ARHGAP45: variants seen among roughly 807,000 people sequenced by gnomAD.
ARHGAP45 encodes the protein rho GTPase-activating protein 45.
ARHGAP45 carries 56 observed loss-of-function variants against 116.1 expected under a neutral mutation model. That is an observed-to-expected ratio of 0.48 (90% CI 0.39 to 0.60). The LOEUF (loss-of-function observed/expected upper bound fraction) is 0.60. Ranked by LOEUF, ARHGAP45 falls within the 20% of genes least tolerant of loss-of-function variation. ARHGAP45 has a pLI of 0.00. For missense variants in ARHGAP45, 1,622 were observed against 1,601.0 expected (o/e 1.01, Z -0.22); for synonymous variants, 866 against 701.7 (o/e 1.23, Z -3.70).
intron 10 of ARHGAP45, chr19:1,076,923 C>T (rs2043263683): frequency 1.2e-5 from 7 of 577,412 alleles, no homozygotes; most frequent in Non-Finnish European, 1.5e-5. Context: ...GAGATGGGGT[C>T]TCACTATGTT....
At chr19:1,081,129 C>T in intron 17 of ARHGAP45, 65 bp downstream of exon 17, 9 of 1,492,594 alleles carry the variant, frequency 6.0e-6, no homozygotes, top group Non-Finnish European at 8.1e-6. Context: ...CCAGCACCGC[C>T]GGCCTGTGTG....
chr19:1,082,008 C>A lies in ARHGAP45; in HGVS notation c.2517+47C>A, dbSNP rs751958508. 3 of 1,589,470 alleles carry A rather than the reference C, an allele frequency of 1.9e-6. No homozygotes were observed. In the South Asian group the frequency reaches 3.3e-5, roughly 18 times the overall value. On this transcript the variant is annotated intron_variant, in intron 19 of 22. Transcript: ENST00000313093. ...CAGGCAGAGCCTGGAAGGGGCGTAG[C>A]CAGGCAGGAGGAGGCGGGGTGGGGG...
chr19:1,073,018 G>C, intron 2 of ARHGAP45, 131 bp from the exon 3 acceptor site: 1 of 1,102,296 alleles, frequency 9.1e-7, no homozygotes, highest in East Asian at 2.4e-5. Context: ...ATGAGCCCCA[G>C]GCATCTGCCG....
rs771649267 is a variant in ARHGAP45 at position 1,074,779 on chromosome 19, C to G, written c.1105-20C>G. 3.7e-6 allele frequency: 6 copies of G among 1,600,206 alleles called. No homozygotes were observed. The Admixed American group carries it at 1.0e-4, about 27-fold the overall frequency. On this transcript the variant is annotated intron_variant, in intron 9 of 22. Transcript: ENST00000313093. ...CGGGGGTGTCACCGGGGTACCCACT[C>G]ACGGCCCGTCTCGCCCCAGCCCCTG...
chr19:1,082,942 C>T lies in ARHGAP45; in HGVS notation c.2620C>T (p.Arg874Trp). 1 of 1,579,452 alleles carries T rather than the reference C, an allele frequency of 6.3e-7. No homozygotes were observed. The highest frequency in any genetic ancestry group is 8.6e-7 in the Non-Finnish European group (1 of 1,166,112). Reference sequence around the variant, plus strand: ...CGAGGCCAAGGCGGCGTCCCGGGGCCGGCAGGACGGCTCGGAGAGCGAGGC... The same window carrying T: ...CGAGGCCAAGGCGGCGTCCCGGGGCTGGCAGGACGGCTCGGAGAGCGAGGC... Reference protein sequence around the residue: ...EAEAKAASRGRQDGSESEAVA... With the variant: ...EAEAKAASRGWQDGSESEAVA... The change falls in exon 20 of 23, where the codon CGG becomes TGG. Residue 874 changes from arginine (R) to tryptophan (W), a missense_variant. Arg to Trp is a moderately radical substitution (Grantham distance 101). Coordinates refer to ENST00000313093, the MANE Select transcript of ARHGAP45 (RefSeq NM_012292.5).
In ARHGAP45 at chr19:1,073,175, G is replaced by T. The variant is rs751127435; in HGVS notation, c.448G>T (p.Ala150Ser). 1.4e-4 allele frequency: 228 copies of T among 1,610,364 alleles called. No homozygotes were observed. Among genetic ancestry groups the T allele is most frequent in the Non-Finnish European group, 1.9e-4 (225 of 1,179,978 alleles). ...DDLLEARRPR[A>S]HECLGEALRV... is the part of the protein sequence containing the mutation. ...CCTCCTTGAGGCCCGCCGCCCGCGG[G>T]CCCACGAGTGCCTGGGTGAGGCTCT... Residue 150 changes from alanine (A) to serine (S), a missense_variant, in exon 3 of 23, where the codon GCC (alanine) becomes TCC (serine). Around this residue, in one of 3 missense-constraint regions of ARHGAP45, gnomAD observed 279 missense variants for 311.9 expected, o/e 0.89. Coordinates refer to ENST00000313093, the MANE Select transcript of ARHGAP45 (RefSeq NM_012292.5).
Position 1,071,167 on chromosome 19 carries a change from G to A in ARHGAP45, c.422-1982G>A. 7.5e-7 allele frequency: 1 copy of A among 1,326,244 alleles called. No homozygotes were observed. The highest frequency in any genetic ancestry group is 9.6e-7 in the Non-Finnish European group (1 of 1,039,034). The allele number at this position is 1,326,244 out of a possible 1,614,324, so 82.2% of individuals were successfully genotyped here. On this transcript the variant is annotated intron_variant, in intron 2 of 22. Transcript: ENST00000313093. The surrounding 1 kb of genome is among the most constrained non-coding windows in gnomAD (Gnocchi z 4.6). ...CTGGGGCGAACGGGACCCCAGGGCG[G>A]GGTTTCCCTCGCGGGGGCGGGGCCT...
At chr19:1,079,484 A>C (rs1451463805) in intron 11 of ARHGAP45, among the ~76,000 whole-genome samples, 1 of 148,368 alleles carries the variant, frequency 6.7e-6, no homozygotes, top group Non-Finnish European at 1.5e-5. Context: ...AGCCTGGCCT[A>C]CAGAGCAAGA....
upstream of ARHGAP45, among the ~76,000 whole-genome samples, chr19:1,066,798 G>A (rs899035603): frequency 8.0e-5 from 12 of 150,536 alleles, no homozygotes; most frequent in African/African-American, 2.9e-4. Flanking sequence ...CTGGGGCCCG[G>A]CCACACCCTA....
chr19:1,068,345 T>A lies in ARHGAP45; in HGVS notation c.91-69T>A. On this transcript the variant is annotated intron_variant, in intron 1 of 22. Transcript: ENST00000313093. This position sits in a 1 kb window ranked among gnomAD's most constrained non-coding sequence, Gnocchi z 7.5. ...TGGCCCTCCACAGCCCCACTTCATT[T>A]CTGGGGAAACTGAGGCCGTGTCCAG... is the stretch of plus-strand genomic sequence containing the variant. 1 of 1,372,468 alleles carries A rather than the reference T, an allele frequency of 7.3e-7. No homozygotes were observed. The highest frequency in any genetic ancestry group is 1.5e-5 in the South Asian group (1 of 68,228). 85.0% of individuals were successfully genotyped at this position (1,372,468 alleles called of 1,614,324 possible).
At position 1,074,098 on chromosome 19, in the gene ARHGAP45, C is replaced by G. The variant is rs1328708955; in HGVS notation, c.791-6C>G. On this transcript the variant is annotated splice_polypyrimidine_tract_variant and splice_region_variant and intron_variant, in intron 6 of 22. Coordinates refer to ENST00000313093, the MANE Select transcript of ARHGAP45 (RefSeq NM_012292.5). Reference sequence around the variant, plus strand: ...GCCAGGCTGAGCAGGCCCCCGTTCCCTGCAGGCTGCCTGCCCGCCGAGGAG... The same window carrying G: ...GCCAGGCTGAGCAGGCCCCCGTTCCGTGCAGGCTGCCTGCCCGCCGAGGAG... The G allele has an allele frequency of 1.9e-6, 3 of 1,611,288 alleles. No individual in the cohort carries two copies. Among genetic ancestry groups the G allele is most frequent in the Non-Finnish European group, 2.5e-6 (3 of 1,179,006 alleles).
At chr19:1,079,891 T>C (rs770929349) in intron 12 of ARHGAP45, 37 bp from the exon 13 acceptor site, 2 of 1,593,940 alleles carry the variant, frequency 1.3e-6, no homozygotes, top group Non-Finnish European at 1.7e-6. Context: ...CCGGGCGGCC[T>C]CCTCCTGACC....
rs112803298 is a variant in ARHGAP45, at chr19:1,073,084, G to A, written c.422-65G>A. The A allele has an allele frequency of 7.8e-5, 118 of 1,518,386 alleles. No homozygotes were observed. The African/African-American group carries it at 1.3e-3, about 17-fold the overall frequency. 94.1% of individuals were successfully genotyped at this position (1,518,386 alleles called of 1,614,324 possible). A position where few individuals can be genotyped will look rare whatever the true frequency, so the allele number is the denominator to read the frequency against. On this transcript the variant is annotated intron_variant, in intron 2 of 22. Transcript: ENST00000313093. ...GGGAACAGGAGCTCTAAAGAGGGAG[G>A]AGGTGGACAGACTTTCCCTGGGACT...
Position 1,085,921 on chromosome 19 carries a change from T to A in ARHGAP45, c.3326T>A (p.Leu1109Gln). The A allele has an allele frequency of 6.2e-7, 1 of 1,612,956 alleles. No homozygotes were observed. The highest frequency in any genetic ancestry group is 8.5e-7 in the Non-Finnish European group (1 of 1,179,956). The change falls in exon 23 of 23, where the codon CTG becomes CAG. Residue 1109 changes from leucine to glutamine, a missense_variant. Leu to Gln is a moderately radical substitution (Grantham distance 113). Around this residue, in one of 3 missense-constraint regions of ARHGAP45, gnomAD observed 1,334 missense variants for 1,263.8 expected, o/e 1.06. Coordinates refer to ENST00000313093, the MANE Select transcript of ARHGAP45 (RefSeq NM_012292.5). ...GFNTNQSNNV[L>Q]QAPLPPMRLR... is the part of the protein sequence containing the mutation. ...AACACCAACCAGTCCAACAACGTGC[T>A]GCAGGCCCCACTGCCCCCCATGAGG...
Position 1,085,760 on chromosome 19 carries a change from G to A in ARHGAP45, c.3165G>A (p.Leu1055=), listed in dbSNP as rs772409852. The change falls in exon 23 of 23, where the codon CTG becomes CTA. Residue 1055 remains leucine, a synonymous_variant. Coordinates refer to ENST00000313093, the MANE Select transcript of ARHGAP45 (RefSeq NM_012292.5). Reference sequence around the variant, plus strand: ...GTGCCCTGGGCCACCTCAGCTTCCTGGAGCAGCAGCAGAGCGAGGCCAGCC... The same window carrying A: ...GTGCCCTGGGCCACCTCAGCTTCCTAGAGCAGCAGCAGAGCGAGGCCAGCC... ...EASALGHLSF[L]EQQQSEASLE... is the part of the protein sequence containing the mutation. 1.2e-5 allele frequency: 19 copies of A among 1,612,582 alleles called. No homozygotes were observed. Among genetic ancestry groups the A allele is most frequent in the African/African-American group, 4.0e-5 (3 of 75,042 alleles).
chr19:1,085,631 TCCC>T, intron 22 of ARHGAP45, 26 bp from the exon 23 acceptor site: 4 of 1,463,542 alleles, frequency 2.7e-6, no homozygotes, highest in Non-Finnish European at 3.7e-6. Flanking sequence ...CCTGTCTGTC[TCCC>T]CCCGCCATCT....
Position 1,085,532 on chromosome 19 carries a change from ATCTCTCCTG to A in ARHGAP45, c.3065-120_3065-112del, listed in dbSNP as rs375976529. The A allele has an allele frequency of 3.2e-3, 1,813 of 573,574 alleles. 24 individuals carry two copies. In the African/African-American group the frequency reaches 0.043, roughly 13 times the overall value. The allele number at this position is 573,574 out of a possible 1,614,324, so 35.5% of individuals were successfully genotyped here. On this transcript the variant is annotated intron_variant, in intron 22 of 22. Coordinates refer to ENST00000313093, the MANE Select transcript of ARHGAP45 (RefSeq NM_012292.5). Reference sequence around the variant, plus strand: ...TCCTCCATCTCTCCTGTCTCTCCCCATCTCTCCTGTCTCTCCATCTCTCTCCCCCCTCTC... The same window carrying A: ...TCCTCCATCTCTCCTGTCTCTCCCCATCTCTCCATCTCTCTCCCCCCTCTC...
At position 1,086,072 on chromosome 19, in the gene ARHGAP45, C is replaced by T; in HGVS notation, c.*66C>T. ...CTGCTCCTGTCCCTCCAGCACGTCCCCTGCACCACGGCATAGCTTAGGTGC... is the reference window on the plus strand; with the variant it reads ...CTGCTCCTGTCCCTCCAGCACGTCCTCTGCACCACGGCATAGCTTAGGTGC... On this transcript the variant is annotated 3_prime_UTR_variant, in exon 23 of 23. Transcript: ENST00000313093. The T allele has an allele frequency of 3.6e-6, 5 of 1,402,580 alleles. No individual in the cohort carries two copies. The highest frequency in any genetic ancestry group is 1.4e-5 in the African/African-American group (1 of 70,950). The allele number at this position is 1,402,580 out of a possible 1,614,324, so 86.9% of individuals were successfully genotyped here. A position where few individuals can be genotyped will look rare whatever the true frequency, so the allele number is the denominator to read the frequency against.
In ARHGAP45 at chr19:1,082,914, G is replaced by C; in HGVS notation, c.2592G>C (p.Glu864Asp). Residue 864 changes from glutamate (E) to aspartate (D), a missense_variant, in exon 20 of 23, where the codon GAG becomes GAC. Physicochemically the swap from Glu to Asp is conservative, Grantham distance 45. This residue lies in a region of ARHGAP45 where 1,334 missense variants were observed against 1,263.8 expected (regional missense o/e 1.06). Coordinates refer to ENST00000313093, the MANE Select transcript of ARHGAP45 (RefSeq NM_012292.5). ...VGLAKDSLKA[E>D]AEAKAASRGR... ...TGGCCAAGGACAGCCTGAAGGCAGAGGCCGAGGCCAAGGCGGCGTCCCGGG... is the reference window on the plus strand; with the variant it reads ...TGGCCAAGGACAGCCTGAAGGCAGACGCCGAGGCCAAGGCGGCGTCCCGGG... 6.3e-7 allele frequency: 1 copy of C among 1,596,062 alleles called. No homozygotes were observed. Among genetic ancestry groups the C allele is most frequent in the South Asian group, 1.1e-5 (1 of 88,814 alleles).
Sources: allele counts gnomAD v4.1 joint callset (sites outside exome capture counted in the v4.1 genomes callset), GRCh38; gene constraint gnomAD v4.1.1; regional missense constraint gnomAD v4.1.1; non-coding constraint Gnocchi (gnomAD v3.1); transcripts MANE v1.5; gene names NCBI Gene and HGNC (gene_info 2026-07-23, HGNC 2026-07-21).